CNBD1: variants seen among roughly 807,000 people sequenced by gnomAD.
CNBD1 encodes cyclic nucleotide binding domain containing 1.
In CNBD1, 71 loss-of-function variants were observed where a neutral mutation model predicts 54.4. The ratio of observed to expected loss-of-function variants is 1.30; its 90% confidence interval spans 1.08 to 1.59. CNBD1 has a LOEUF of 1.59. CNBD1 is among the 40% of genes most tolerant of loss of function. CNBD1 has a pLI of 0.00. For synonymous variants in CNBD1, 182 were observed against 170.7 expected, an observed-to-expected ratio of 1.07 and a Z score of -0.51; for missense variants, 659 against 518.0, an observed-to-expected ratio of 1.27 and a Z score of -2.64.
At chr8:87,278,657 C>A (rs1808531120) in intron 6 of CNBD1, among the ~76,000 whole-genome samples, 1 of 151,394 alleles carries the variant, frequency 6.6e-6, no homozygotes. Context: ...AAAGGGATGA[C>A]AAGGAGACAA....
chr8:87,147,150 G>A (rs2130744481), intron 4 of CNBD1, among the ~76,000 whole-genome samples: 1 of 152,112 alleles, frequency 6.6e-6, no homozygotes, highest in East Asian at 1.9e-4. Flanking sequence ...TTTCTTAGAG[G>A]CTTTTCTGAC....
intron 4 of CNBD1, among the ~76,000 whole-genome samples, chr8:87,176,037 A>C (rs894154841): frequency 2.6e-5 from 4 of 152,200 alleles, no homozygotes; most frequent in African/African-American, 9.6e-5. Context: ...CAATCACTGC[A>C]CTGTACCTCT....
At chr8:87,201,301 T>C (rs888211195) in intron 4 of CNBD1, among the ~76,000 whole-genome samples, 7 of 152,194 alleles carry the variant, frequency 4.6e-5, no homozygotes, top group African/African-American at 1.7e-4. Flanking sequence ...GACTGAATGA[T>C]TTCTGTTGAA....
intron 6 of CNBD1, among the ~76,000 whole-genome samples, chr8:87,263,646 A>G (rs889851457): frequency 8.5e-5 from 13 of 152,188 alleles, no homozygotes; most frequent in African/African-American, 3.1e-4. Flanking sequence ...AAATAAACCA[A>G]AAATTATTTA....
At chr8:87,363,974 T>C (rs1366392858) in intron 10 of CNBD1, among the ~76,000 whole-genome samples, 1 of 151,890 alleles carries the variant, frequency 6.6e-6, no homozygotes, top group Non-Finnish European at 1.5e-5. Context: ...TTTGGTTTTT[T>C]TTTTTTTAAA....
intron 4 of CNBD1, among the ~76,000 whole-genome samples, chr8:86,952,532 G>T (rs1169869881): frequency 6.6e-6 from 1 of 151,588 alleles, no homozygotes; most frequent in Non-Finnish European, 1.5e-5. Context: ...ATATTTGCTG[G>T]TCATGTGAAA....
intron 6 of CNBD1, among the ~76,000 whole-genome samples, chr8:87,251,862 T>C (rs1205265545): frequency 6.6e-6 from 1 of 152,132 alleles, no homozygotes; most frequent in Non-Finnish European, 1.5e-5. Context: ...ATTTATCTTT[T>C]TAAAAAAATA....
intron 2 of CNBD1, among the ~76,000 whole-genome samples, chr8:87,394,763 A>T (rs896728033): frequency 1.3e-5 from 2 of 151,950 alleles, no homozygotes; most frequent in Admixed American, 1.3e-4. Context: ...GTTTAAGATA[A>T]TTAAACTCAT....
intron 8 of CNBD1, among the ~76,000 whole-genome samples, chr8:87,319,901 C>G (rs1015951433): frequency 3.3e-5 from 5 of 151,880 alleles, no homozygotes. Flanking sequence ...TGGATTTTGT[C>G]CTAAGTTCTT....
rs551404296 is a variant in CNBD1, at chr8:87,176,306, C to T, written c.432-29687C>T. Among the ~76,000 whole-genome samples, 4 of 152,214 alleles carry T rather than the reference C, an allele frequency of 2.6e-5. No individual in the cohort carries two copies. The South Asian group carries it at 8.3e-4, about 32-fold the overall frequency. On this transcript the variant is annotated intron_variant, in intron 4 of 10. Transcript: ENST00000518476. ...ATCTTGCTCTCCCCCCTCTGTATAT[C>T]TTTATTATGTTCTTTAGTATTGAAT...
At chr8:87,045,995 C>T (rs1273244570) in intron 4 of CNBD1, among the ~76,000 whole-genome samples, 19 of 130,710 alleles carry the variant, frequency 1.5e-4, no homozygotes, top group Admixed American at 1.2e-3. Flanking sequence ...GAGCCAAGGT[C>T]GTGCCACTGC....
At chr8:87,291,263 G>A (rs973570899) in intron 8 of CNBD1, among the ~76,000 whole-genome samples, 13 of 140,956 alleles carry the variant, frequency 9.2e-5, no homozygotes, top group South Asian at 2.3e-4. Flanking sequence ...TGTCACTATC[G>A]CCATTGAGGG....
At chr8:87,265,022 A>G (rs1320769117) in intron 6 of CNBD1, among the ~76,000 whole-genome samples, 1 of 151,990 alleles carries the variant, frequency 6.6e-6, no homozygotes, top group African/African-American at 2.4e-5. Context: ...CCCTTTGTCA[A>G]TTTTGGCTTT....
At chr8:87,342,992 C>G (rs1189386005) in intron 8 of CNBD1, among the ~76,000 whole-genome samples, 1 of 152,120 alleles carries the variant, frequency 6.6e-6, no homozygotes, top group Non-Finnish European at 1.5e-5. Flanking sequence ...TTCAGTCCTT[C>G]TCTCGACTGC....
intron 4 of CNBD1, among the ~76,000 whole-genome samples, chr8:86,979,468 T>C (rs1808423176): frequency 6.7e-6 from 1 of 148,292 alleles, no homozygotes; most frequent in South Asian, 2.1e-4. Flanking sequence ...CACTCACCAG[T>C]TAATACCAGC....
chr8:87,311,267 A>T (rs1374322703), intron 8 of CNBD1, among the ~76,000 whole-genome samples: 1 of 152,062 alleles, frequency 6.6e-6, no homozygotes, highest in East Asian at 1.9e-4. Context: ...AAAACAAAAA[A>T]ACTCACCTAA....
intron 4 of CNBD1, among the ~76,000 whole-genome samples, chr8:87,094,145 A>G (rs891197210): frequency 2.0e-5 from 3 of 152,258 alleles, no homozygotes; most frequent in Admixed American, 1.3e-4. Flanking sequence ...CTGAATGACT[A>G]TGTTGGATAT....
intron 6 of CNBD1, among the ~76,000 whole-genome samples, chr8:87,269,508 G>A (rs560297813): frequency 6.6e-6 from 1 of 152,066 alleles, no homozygotes; most frequent in East Asian, 1.9e-4. Flanking sequence ...ATTGCTTTGG[G>A]CCGTATGGCC....
intron 8 of CNBD1, among the ~76,000 whole-genome samples, chr8:87,318,165 A>G (rs1472161316): frequency 6.9e-6 from 1 of 145,176 alleles, no homozygotes; most frequent in East Asian, 2.0e-4. Flanking sequence ...TTCTGATTCT[A>G]ATATCTCTCT....
Sources: allele counts gnomAD v4.1 joint callset (sites outside exome capture counted in the v4.1 genomes callset), GRCh38; gene constraint gnomAD v4.1.1; transcripts MANE v1.5; gene names NCBI Gene and HGNC (gene_info 2026-07-23, HGNC 2026-07-21).